WDFY3: variants seen among roughly 807,000 people sequenced by gnomAD.
WDFY3 encodes WD repeat and FYVE domain-containing protein 3.
In WDFY3, 66 loss-of-function variants were observed where a neutral mutation model predicts 409.6. The observed-to-expected ratio is 0.16, with a 90% confidence interval of 0.13 to 0.20. The LOEUF is 0.20. Among genes scored for constraint, WDFY3 ranks in the 10% least tolerant of loss-of-function variants. The probability of loss-of-function intolerance (pLI) is 1.00; values close to 1 mark genes in which losing one functional copy is unlikely to be tolerated. For missense variants in WDFY3, 3,031 were observed against 4,298.1 expected, an observed-to-expected ratio of 0.71 and a Z score of 8.24; for synonymous variants, 1,521 against 1,537.1, an observed-to-expected ratio of 0.99 and a Z score of 0.25.
At chr4:84,801,481 GATTT>G (rs1322173311) in intron 17 of WDFY3, among the ~76,000 whole-genome samples, 165 bp downstream of exon 17, 2 of 152,080 alleles carry the variant, frequency 1.3e-5, no homozygotes, top group African/African-American at 4.8e-5. Flanking sequence ...CTAATAACTA[GATTT>G]ATTTGTTTCT....
chr4:84,957,529 G>T (rs1044633447), intron 1 of WDFY3, among the ~76,000 whole-genome samples: 1 of 152,144 alleles, frequency 6.6e-6, no homozygotes, highest in Non-Finnish European at 1.5e-5. Context: ...GTTCAAAGAC[G>T]TGAAGGTAAT....
At chr4:84,675,853 A>G (rs537833621) in intron 67 of WDFY3, among the ~76,000 whole-genome samples, 3 of 152,316 alleles carry the variant, frequency 2.0e-5, no homozygotes, top group East Asian at 1.9e-4. Flanking sequence ...GATATCAACC[A>G]AATCTATAGC....
At chr4:84,949,627 C>A (rs1369413579) in intron 1 of WDFY3, among the ~76,000 whole-genome samples, 1 of 152,156 alleles carries the variant, frequency 6.6e-6, no homozygotes, top group African/African-American at 2.4e-5. Flanking sequence ...ATTTCTAATT[C>A]TCTTTAGTGC....
intron 51 of WDFY3, among the ~76,000 whole-genome samples, chr4:84,712,458 C>T (rs147766313): frequency 0.037 from 5,595 of 150,444 alleles, 205 homozygotes; most frequent in Admixed American, 0.11. Context: ...CAGTGGCTCA[C>T]GCCTGTAATC....
intron 35 of WDFY3, among the ~76,000 whole-genome samples, chr4:84,752,423 G>A (rs1166310871): frequency 6.6e-6 from 1 of 151,810 alleles, no homozygotes; most frequent in Non-Finnish European, 1.5e-5. Flanking sequence ...GGGTGAGGCA[G>A]TAGAATCACA....
intron 3 of WDFY3, among the ~76,000 whole-genome samples, chr4:84,881,980 A>G (rs1025469467): frequency 6.6e-6 from 1 of 152,216 alleles, no homozygotes; most frequent in Admixed American, 6.5e-5. Flanking sequence ...ATACTCAACT[A>G]TAAGGACATG....
intron 3 of WDFY3, among the ~76,000 whole-genome samples, chr4:84,874,138 G>T (rs1021285464): frequency 6.6e-6 from 1 of 151,742 alleles, no homozygotes; most frequent in African/African-American, 2.4e-5. Context: ...CAGAGACCGG[G>T]CGAGGTGGCT....
At position 84,885,077 on chromosome 4, in the gene WDFY3, T is replaced by G. The variant is rs565284285; in HGVS notation, c.-32+11834A>C. On this transcript the variant is annotated intron_variant, in intron 3 of 67. Transcript: ENST00000295888. The stretch of plus-strand genomic sequence containing the variant: ...ATGCAATTGCATGATCTCAGCTCAC[T>G]GCACCCTCCGCCTCCTGGGTTCAAG... Among the ~76,000 whole-genome samples the G allele has an allele frequency of 1.2e-3, 182 of 152,270 alleles. 3 individuals carry two copies. Among genetic ancestry groups the G allele is most frequent in the African/African-American group, 4.1e-3 (171 of 41,558 alleles).
chr4:84,948,244 T>C (rs141576251), intron 1 of WDFY3, among the ~76,000 whole-genome samples: 75 of 152,342 alleles, frequency 4.9e-4, no homozygotes, highest in African/African-American at 1.7e-3. Flanking sequence ...AACATGCTTT[T>C]TCATATCCTC....
chr4:84,726,899 T>C lies in WDFY3; in HGVS notation c.7234A>G (p.Ser2412Gly), dbSNP rs377255537. Residue 2412 changes from serine (S) to glycine (G), a missense_variant, in exon 45 of 68, where the codon AGT becomes GGT. This residue lies in a region of WDFY3 where 127 missense variants were observed against 144.4 expected (regional missense o/e 0.88). Transcript: ENST00000295888. The stretch of plus-strand genomic sequence containing the variant: ...TCATCGGGTGTCTCAGGCTGTTTAC[T>C]TGGGATCTCAGACTGAAAACAGGGT... ...QETNVASEIP[S>G]KQPETPDDIP... 1 of 1,607,712 alleles carries C rather than the reference T, an allele frequency of 6.2e-7. No individual in the cohort carries two copies.
rs773494540 is a variant in WDFY3 at position 84,677,410 on chromosome 4, G to A, written c.10260-14C>T. 6 of 1,582,782 alleles carry A rather than the reference G, an allele frequency of 3.8e-6. No individual in the cohort carries two copies. The highest frequency in any genetic ancestry group is 1.8e-5 in the Admixed American group (1 of 55,410). Reference sequence around the variant, plus strand: ...CTACTGTGATCCCTGCAGGAGACACGACAGAGGAGGTCACTGCACGGAAGG... The same window carrying A: ...CTACTGTGATCCCTGCAGGAGACACAACAGAGGAGGTCACTGCACGGAAGG... On this transcript the variant is annotated splice_polypyrimidine_tract_variant and intron_variant, in intron 66 of 67. Transcript: ENST00000295888.
At chr4:84,845,189 G>C (rs1757919779) in intron 5 of WDFY3, among the ~76,000 whole-genome samples, 1 of 152,094 alleles carries the variant, frequency 6.6e-6, no homozygotes, top group South Asian at 2.1e-4. Flanking sequence ...AATTCAGAGG[G>C]GTACTGGAAG....
intron 2 of WDFY3, among the ~76,000 whole-genome samples, chr4:84,920,048 A>G (rs1769064206): frequency 6.6e-6 from 1 of 152,202 alleles, no homozygotes; most frequent in African/African-American, 2.4e-5. Context: ...AAAAATAAGG[A>G]ACAAAAAATA....
At chr4:84,691,454 T>G (rs1729249646) in intron 60 of WDFY3, among the ~76,000 whole-genome samples, 177 bp downstream of exon 60, 1 of 152,218 alleles carries the variant, frequency 6.6e-6, no homozygotes, top group South Asian at 2.1e-4. Context: ...TCCTTTATCC[T>G]GCTCTCATTC....
At chr4:84,965,337 G>A (rs770227042) in intron 1 of WDFY3, among the ~76,000 whole-genome samples, 12 of 152,282 alleles carry the variant, frequency 7.9e-5, no homozygotes, top group South Asian at 2.1e-4. Context: ...GTATGCATGA[G>A]CACCATTTTC....
At chr4:84,735,195 A>ATTTAGC in intron 42 of WDFY3, 75 bp from the exon 43 acceptor site, 2 of 1,330,858 alleles carry the variant, frequency 1.5e-6, no homozygotes, top group Non-Finnish European at 2.1e-6. Flanking sequence ...CCTTGAAATT[A>ATTTAGC]ATGCTAAATA....
In WDFY3 at chr4:84,810,076, A is replaced by G. The variant is rs1353082627; in HGVS notation, c.2156T>C (p.Val719Ala). The change falls in exon 14 of 68, where the codon GTT (valine) becomes GCT (alanine). Residue 719 changes from valine (V) to alanine (A), a missense_variant. Around this residue, in one of 16 missense-constraint regions of WDFY3, gnomAD observed 1,322 missense variants for 1,697.9 expected, o/e 0.78. Transcript: ENST00000295888. ...GTCTGAGAAGCAGCCAAGAAATCGA[A>G]CAGCATCTGCCAACTTCTCATACTG... ...EIQYEKLADA[V>A]RFLGCFSDLR... 6.2e-7 allele frequency: 1 copy of G among 1,614,218 alleles called. No individual in the cohort carries two copies. Among genetic ancestry groups the G allele is most frequent in the Non-Finnish European group, 8.5e-7 (1 of 1,180,012 alleles).
chr4:84,846,617 A>C (rs1758109812), intron 5 of WDFY3, among the ~76,000 whole-genome samples: 1 of 149,074 alleles, frequency 6.7e-6, no homozygotes, highest in Non-Finnish European at 1.5e-5. Flanking sequence ...TATGTCATTC[A>C]AGAAAGAATG....
chr4:84,810,387 TC>T (rs1279509663), intron 13 of WDFY3, 43 bp from the exon 14 acceptor site: 75 of 1,032,018 alleles, frequency 7.3e-5, no homozygotes, highest in African/African-American at 3.5e-4. Flanking sequence ...TACACATAAT[TC>T]AAAAAAAAAA....
Sources: gnomAD v4.1 joint callset for allele counts (sites outside exome capture counted in the v4.1 genomes callset) on GRCh38, gnomAD v4.1.1 for gene constraint, gnomAD v4.1.1 regional missense constraint, MANE v1.5 for transcripts, NCBI Gene and HGNC (gene_info 2026-07-23, HGNC 2026-07-21) for gene names.